Variants in DPP10 observed in about 807,000 individuals in gnomAD.
DPP10 encodes the protein dipeptidyl peptidase like 10.
Under a neutral mutation model 120.9 loss-of-function variants are expected in DPP10, and 33 were observed. The observed-to-expected ratio is 0.27, with a 90% CI of 0.21 to 0.37. DPP10 has a LOEUF of 0.37. Among genes scored for constraint, DPP10 ranks in the 10% least tolerant of loss-of-function variants. The pLI is 1.00. For missense variants in DPP10, 816 were observed against 942.8 expected (o/e 0.87, Z 1.76); for synonymous variants, 337 against 326.1 (o/e 1.03, Z -0.36).
chr2:115,376,720 G>T (rs1293842131), intron 3 of DPP10, among the ~76,000 whole-genome samples: 1 of 116,266 alleles, frequency 8.6e-6, no homozygotes. Flanking sequence ...CCCCACAACA[G>T]TCCCCAGAGT....
rs191969430 is a variant in DPP10, at chr2:114,990,881, C to T, written c.61-318358C>T. On this transcript the variant is annotated intron_variant, in intron 1 of 25. Transcript: ENST00000410059. ...GTATTTCATTGCTGTCTCTCTTGCT[C>T]AGGGTCAGGGACAAACTCTCAGCTA... is the stretch of plus-strand genomic sequence containing the variant. Among the ~76,000 whole-genome samples the T allele has an allele frequency of 2.0e-4, 31 of 152,274 alleles. 1 individual carries two copies. The Middle Eastern group carries it at 0.02, about 100-fold the overall frequency.
At chr2:115,811,738 C>T (rs1250522021) in intron 19 of DPP10, among the ~76,000 whole-genome samples, 1 of 152,146 alleles carries the variant, frequency 6.6e-6, no homozygotes, top group Non-Finnish European at 1.5e-5. Flanking sequence ...CTGTTGATTG[C>T]ACTTTTTTTA....
chr2:115,338,683 T>C (rs1248199144), intron 2 of DPP10, among the ~76,000 whole-genome samples: 2 of 152,142 alleles, frequency 1.3e-5, no homozygotes, highest in African/African-American at 4.8e-5. Flanking sequence ...AAACAAATGC[T>C]TTTCAAAAAT....
chr2:115,647,478 A>G (rs1230504428), intron 5 of DPP10, among the ~76,000 whole-genome samples: 2 of 152,152 alleles, frequency 1.3e-5, no homozygotes, highest in African/African-American at 2.4e-5. Flanking sequence ...GATCTTTGCT[A>G]TGAAAAGTGC....
intron 5 of DPP10, among the ~76,000 whole-genome samples, chr2:115,571,140 T>A (rs1361040995): frequency 1.3e-5 from 2 of 152,232 alleles, no homozygotes; most frequent in African/African-American, 4.8e-5. Flanking sequence ...AATAATTAGA[T>A]CTATGGAGAT....
chr2:115,279,606 CT>C (rs1192480595), intron 1 of DPP10, among the ~76,000 whole-genome samples: 5 of 106,090 alleles, frequency 4.7e-5, no homozygotes, highest in African/African-American at 1.4e-4. Flanking sequence ...TAGCATTTTT[CT>C]TTTTTTTCTT....
intron 7 of DPP10, among the ~76,000 whole-genome samples, chr2:115,696,438 G>A (rs1281901436): frequency 6.6e-6 from 1 of 152,160 alleles, no homozygotes; most frequent in East Asian, 1.9e-4. Context: ...AAGACAGTGG[G>A]CTGATGTGTT....
At chr2:114,720,556 T>C (rs1355815645) in intron 1 of DPP10, among the ~76,000 whole-genome samples, 2 of 152,196 alleles carry the variant, frequency 1.3e-5, no homozygotes, top group East Asian at 3.8e-4. Context: ...ATTTGAGTTT[T>C]CTGAAATGCT....
intron 1 of DPP10, among the ~76,000 whole-genome samples, chr2:115,301,728 CTGTT>C (rs1387339189): frequency 2.6e-5 from 4 of 151,882 alleles, no homozygotes; most frequent in Non-Finnish European, 2.9e-5. Flanking sequence ...GATATCAAAT[CTGTT>C]TGTTTGTATT....
intron 1 of DPP10, among the ~76,000 whole-genome samples, chr2:115,250,389 T>C (rs142844205): frequency 6.6e-6 from 1 of 152,292 alleles, no homozygotes; most frequent in African/African-American, 2.4e-5. Flanking sequence ...AAAGTTTGTG[T>C]TGAATAGGGA....
At chr2:114,699,873 G>A (rs1377705978) in intron 1 of DPP10, among the ~76,000 whole-genome samples, 1 of 152,080 alleles carries the variant, frequency 6.6e-6, no homozygotes, top group Non-Finnish European at 1.5e-5. Flanking sequence ...GAGAGTATGT[G>A]TCTATTTTTG....
At chr2:115,794,950 A>G (rs1684382010) in intron 19 of DPP10, among the ~76,000 whole-genome samples, 1 of 152,134 alleles carries the variant, frequency 6.6e-6, no homozygotes, top group Non-Finnish European at 1.5e-5. Context: ...GGAGATAACA[A>G]GATTGCAAGC....
chr2:114,469,637 AGAAT>A (rs1160408124), intron 1 of DPP10, among the ~76,000 whole-genome samples: 1 of 152,148 alleles, frequency 6.6e-6, no homozygotes, highest in Admixed American at 6.5e-5. Flanking sequence ...CTGAGGCAGG[AGAAT>A]GCCTTGAACC....
intron 1 of DPP10, among the ~76,000 whole-genome samples, chr2:114,679,725 C>T (rs1299768872): frequency 6.6e-6 from 1 of 151,948 alleles, no homozygotes. Context: ...TGCTGGAATA[C>T]ATTTTTGAGA....
intron 1 of DPP10, among the ~76,000 whole-genome samples, chr2:114,813,681 T>C (rs1261418831): frequency 6.6e-6 from 1 of 152,116 alleles, no homozygotes; most frequent in Non-Finnish European, 1.5e-5. Flanking sequence ...TTGTCACCAT[T>C]GTCTTTGGCA....
At chr2:115,401,427 T>A (rs988635760) in intron 3 of DPP10, among the ~76,000 whole-genome samples, 1 of 152,098 alleles carries the variant, frequency 6.6e-6, no homozygotes, top group South Asian at 2.1e-4. Context: ...AAAACATTTT[T>A]TTAAAATGTA....
intron 2 of DPP10, among the ~76,000 whole-genome samples, chr2:115,334,076 T>G (rs2062940334): frequency 6.6e-6 from 1 of 151,668 alleles, no homozygotes; most frequent in Non-Finnish European, 1.5e-5. Context: ...CTCTGCAGGA[T>G]ATTATCCGGG....
rs573385502 is a variant in DPP10, at chr2:114,668,529, C to G, written c.60+225691C>G. On this transcript the variant is annotated intron_variant, in intron 1 of 25. Transcript: ENST00000410059. ...ACAACCAGAAATATTATCTTACCAG[C>G]TATCTGAGCAGCCTTAGCCCAGTAA... is the stretch of plus-strand genomic sequence containing the variant. 5.3e-3 allele frequency among the ~76,000 whole-genome samples: 812 copies of G among 152,248 alleles called. 3 individuals are homozygous for G. Among genetic ancestry groups the G allele is most frequent in the Middle Eastern group, 0.017 (5 of 294 alleles).
At position 115,162,087 on chromosome 2, in the gene DPP10, C is replaced by G; in HGVS notation, c.61-147152C>G. ...GGAGGGGTGGCTCCAGTGCGCGCTC[C>G]GCCCGCCTCCCGCTTCCCAGGCTGG... is the stretch of plus-strand genomic sequence containing the variant. On this transcript the variant is annotated intron_variant, in intron 1 of 25. Coordinates refer to ENST00000410059, the MANE Select transcript of DPP10 (RefSeq NM_020868.6). 3 of 1,492,912 alleles carry G rather than the reference C, an allele frequency of 2.0e-6. No individual in the cohort carries two copies. The South Asian group carries it at 3.9e-5, about 19-fold the overall frequency. The allele number at this position is 1,492,912 out of a possible 1,614,324, so 92.5% of individuals were successfully genotyped here.
Sources: gnomAD v4.1 joint callset for allele counts (sites outside exome capture counted in the v4.1 genomes callset) on GRCh38, gnomAD v4.1.1 for gene constraint, MANE v1.5 for transcripts, NCBI Gene and HGNC (gene_info 2026-07-23, HGNC 2026-07-21) for gene names.